MUC5B: variants seen among roughly 807,000 people sequenced by gnomAD.
The protein encoded by MUC5B is mucin-5B.
In MUC5B, 116 loss-of-function variants were observed where a neutral mutation model predicts 376.9. That is an observed-to-expected ratio of 0.31 (90% CI 0.26 to 0.36). The LOEUF is 0.36. Ranked by LOEUF, MUC5B falls within the 10% of genes least tolerant of loss-of-function variation. The pLI, the probability that MUC5B is intolerant of heterozygous loss-of-function variation, is 1.00. For synonymous variants in MUC5B, 3,517 were observed against 3,390.9 expected (o/e 1.04, Z -1.29); for missense variants, 7,165 against 7,769.9 (o/e 0.92, Z 2.93).
rs1862449655 is a variant in MUC5B, at chr11:1,246,014, C to T, written c.9134C>T (p.Pro3045Leu). Residue 3045 changes from proline (P) to leucine (L), a missense_variant, in exon 31 of 49, where the codon CCA (proline) becomes CTA (leucine). This residue lies in a region of MUC5B where 939 missense variants were observed against 770.6 expected (regional missense o/e 1.22). Coordinates refer to ENST00000529681, the MANE Select transcript of MUC5B (RefSeq NM_002458.3). ...TSSKATSSSSPRTATTLPVLT... is the reference protein window; with the variant it reads ...TSSKATSSSSLRTATTLPVLT... The stretch of plus-strand genomic sequence containing the variant: ...TCCAAAGCCACTTCCTCCTCCAGTC[C>T]AAGGACTGCAACCACCCTTCCAGTG... 1.4e-5 allele frequency: 22 copies of T among 1,612,988 alleles called. No homozygotes were observed. Among genetic ancestry groups the T allele is most frequent in the Non-Finnish European group, 1.8e-5 (21 of 1,179,638 alleles).
At chr11:1,240,783 C>A in intron 30 of MUC5B, 68 bp from the exon 31 acceptor site, 1 of 1,421,070 alleles carries the variant, frequency 7.0e-7, no homozygotes, top group Non-Finnish European at 9.5e-7. Context: ...TCCTCTGGGG[C>A]CCCTCCACCT....
In MUC5B at chr11:1,233,933, C is replaced by T. The variant is rs1348288597; in HGVS notation, c.2377+85C>T. On this transcript the variant is annotated intron_variant, in intron 19 of 48. Coordinates refer to ENST00000529681, the MANE Select transcript of MUC5B (RefSeq NM_002458.3). ...GGCCCCAACACGCCCCACCCTGCCC[C>T]ACCCCACCTGAACCCTGCCGGGCCA... The T allele has an allele frequency of 5.8e-6, 8 of 1,376,898 alleles. No individual in the cohort carries two copies. The Admixed American group carries it at 1.4e-4, about 24-fold the overall frequency. The allele number at this position is 1,376,898 out of a possible 1,614,324, so 85.3% of individuals were successfully genotyped here.
At chr11:1,238,535 C>T (rs1197591248) in intron 25 of MUC5B, among the ~76,000 whole-genome samples, 1 of 152,148 alleles carries the variant, frequency 6.6e-6, no homozygotes, top group Non-Finnish European at 1.5e-5. Context: ...GCCACATGAC[C>T]AGATCCACGT....
intron 1 of MUC5B, among the ~76,000 whole-genome samples, chr11:1,224,569 GGCT>G (rs1861837621): frequency 6.8e-6 from 1 of 147,804 alleles, no homozygotes; most frequent in Non-Finnish European, 1.5e-5. Flanking sequence ...GGCTGCCTGG[GGCT>G]GGGGAGGGGC....
chr11:1,243,019 C>G lies in MUC5B; in HGVS notation c.6139C>G (p.His2047Asp), dbSNP rs1267046072. 6.2e-7 allele frequency: 1 copy of G among 1,612,982 alleles called. No homozygotes were observed. The change falls in exon 31 of 49, where the codon CAC becomes GAC. Residue 2047 changes from histidine to aspartate, a missense_variant. Around this residue, in one of 31 missense-constraint regions of MUC5B, gnomAD observed 897 missense variants for 779.6 expected, o/e 1.15. Coordinates refer to ENST00000529681, the MANE Select transcript of MUC5B (RefSeq NM_002458.3). ...CCCCTCCTCCACCCCAGGAACAGCT[C>G]ACACTACCAAAGTGCCAACTACCAC... Reference protein sequence around the residue: ...ATPSSTPGTAHTTKVPTTTTT... With the variant: ...ATPSSTPGTADTTKVPTTTTT...
intron 3 of MUC5B, 104 bp downstream of exon 3, chr11:1,226,380 G>T: frequency 7.0e-7 from 1 of 1,424,582 alleles, no homozygotes; most frequent in Non-Finnish European, 9.6e-7. Context: ...GGGCCGTTGG[G>T]CCAGACCCAG....
Position 1,250,367 on chromosome 11 carries a change from C to G in MUC5B, c.13487C>G (p.Thr4496Ser). ...TTPTVTSSKATPSSSPGTATA... is the reference protein window; with the variant it reads ...TTPTVTSSKASPSSSPGTATA... ...CCCACAGTCACCAGCTCCAAAGCCA[C>G]TCCCTCCTCCAGTCCAGGGACTGCA... The change falls in exon 31 of 49, where the codon ACT becomes AGT. Residue 4496 changes from threonine (T) to serine (S), a missense_variant. This residue lies in a region of MUC5B where 431 missense variants were observed against 390.4 expected (regional missense o/e 1.10). Transcript: ENST00000529681. 1.9e-6 allele frequency: 3 copies of G among 1,613,590 alleles called. No individual in the cohort carries two copies. The highest frequency in any genetic ancestry group is 3.3e-4 in the Middle Eastern group (2 of 6,060).
rs747937453 is a variant in MUC5B at position 1,251,218 on chromosome 11, A to C, written c.14338A>C (p.Thr4780Pro). Reference sequence around the variant, plus strand: ...CATGTCCACCATGTCCACAATCCACACCTCCTCTACTCCAGAGACCACCCA... The same window carrying C: ...CATGTCCACCATGTCCACAATCCACCCCTCCTCTACTCCAGAGACCACCCA... The part of the protein sequence containing the change: ...TPMSTMSTIH[T>P]SSTPETTHTS... Residue 4780 changes from threonine to proline, a missense_variant, in exon 31 of 49, where the codon ACC becomes CCC. Coordinates refer to ENST00000529681, the MANE Select transcript of MUC5B (RefSeq NM_002458.3). 4.6e-4 allele frequency: 737 copies of C among 1,599,280 alleles called. 19 individuals are homozygous for C. The South Asian group carries it at 7.2e-3, about 16-fold the overall frequency.
At position 1,254,293 on chromosome 11, in the gene MUC5B, A is replaced by G; in HGVS notation, c.15419A>G (p.Tyr5140Cys). Residue 5140 changes from tyrosine to cysteine, a missense_variant, in exon 34 of 49, where the codon TAC (tyrosine) becomes TGC (cysteine). Coordinates refer to ENST00000529681, the MANE Select transcript of MUC5B (RefSeq NM_002458.3). ...TGCCCCCGCGCCCTCAGCATCCACTACAAGTCCATGGATATCGTCCTCACT... is the reference window on the plus strand; with the variant it reads ...TGCCCCCGCGCCCTCAGCATCCACTGCAAGTCCATGGATATCGTCCTCACT... The part of the protein sequence containing the change: ...ARCPRALSIH[Y>C]KSMDIVLTVT... 2 of 1,610,208 alleles carry G rather than the reference A, an allele frequency of 1.2e-6. No homozygotes were observed. The highest frequency in any genetic ancestry group is 1.7e-5 in the Admixed American group (1 of 60,016).
chr11:1,232,939 A>G (rs968214786), intron 17 of MUC5B, 74 bp from the exon 18 acceptor site: 19 of 1,479,252 alleles, frequency 1.3e-5, no homozygotes, highest in Non-Finnish European at 1.6e-5. Context: ...ACAGACGGGG[A>G]TGCTGAGTTG....
rs750577886 is a variant in MUC5B at position 1,254,046 on chromosome 11, G to A, written c.15218-46G>A. The A allele has an allele frequency of 3.8e-6, 6 of 1,585,156 alleles. No homozygotes were observed. In the Admixed American group the frequency reaches 8.6e-5, roughly 23 times the overall value. On this transcript the variant is annotated intron_variant, in intron 33 of 48. Coordinates refer to ENST00000529681, the MANE Select transcript of MUC5B (RefSeq NM_002458.3). The stretch of plus-strand genomic sequence containing the variant: ...GGCTGCCATGACGCCTGGGGAGCGA[G>A]GGCACCACCACGGAGCCTGCCAGCC...
At chr11:1,259,672 TG>T (rs1404798485) in intron 44 of MUC5B, 83 bp from the exon 45 acceptor site, 31 of 1,414,848 alleles carry the variant, frequency 2.2e-5, no homozygotes, top group Non-Finnish European at 2.9e-5. Context: ...CCTGGACCAC[TG>T]GGGTGTAGAC....
chr11:1,224,084 T>C (rs1286351421), intron 1 of MUC5B, among the ~76,000 whole-genome samples: 1 of 152,112 alleles, frequency 6.6e-6, no homozygotes, highest in Non-Finnish European at 1.5e-5. Context: ...GCTGCAAGGT[T>C]TGGGGGCTGG....
rs1590189907 is a variant in MUC5B, at chr11:1,252,483, T to C, written c.15004T>C (p.Ser5002Pro). Residue 5002 changes from serine to proline, a missense_variant, in exon 32 of 49, where the codon TCC becomes CCC. Physicochemically the swap from Ser to Pro is moderately conservative, Grantham distance 74. Around this residue, in one of 31 missense-constraint regions of MUC5B, gnomAD observed 730 missense variants for 592.7 expected, o/e 1.23. Coordinates refer to ENST00000529681, the MANE Select transcript of MUC5B (RefSeq NM_002458.3). ...PVSSAPLSSP[S>P]PAPGCDNAIP... The stretch of plus-strand genomic sequence containing the variant: ...GTCCTCCGCCCCGCTGTCCTCGCCC[T>C]CCCCTGCCCCTGGCTGTGACAATGC... 1 of 1,582,290 alleles carries C rather than the reference T, an allele frequency of 6.3e-7. No homozygotes were observed. Among genetic ancestry groups the C allele is most frequent in the Non-Finnish European group, 8.6e-7 (1 of 1,165,906 alleles).
In MUC5B at chr11:1,235,408, G is replaced by T. The variant is rs371115443; in HGVS notation, c.2875G>T (p.Val959Leu). 7.8e-5 allele frequency: 125 copies of T among 1,611,404 alleles called. No homozygotes were observed. The highest frequency in any genetic ancestry group is 1.3e-4 in the African/African-American group (10 of 74,802). Residue 959 changes from valine to leucine, a missense_variant, in exon 23 of 49, where the codon GTG (valine) becomes TTG (leucine). This residue lies in a region of MUC5B where 530 missense variants were observed against 604.0 expected (regional missense o/e 0.88). Transcript: ENST00000529681. ...TTCSKAIKLFVESYELILQEG... is the reference protein window; with the variant it reads ...TTCSKAIKLFLESYELILQEG... Reference sequence around the variant, plus strand: ...CTGCTCCAAGGCCATCAAGCTCTTCGTGGAGGTGAGAACGGCCCCAGCTGT... The same window carrying T: ...CTGCTCCAAGGCCATCAAGCTCTTCTTGGAGGTGAGAACGGCCCCAGCTGT...
chr11:1,226,426 A>C (rs992894411), intron 3 of MUC5B, 150 bp downstream of exon 3: 68 of 1,287,496 alleles, frequency 5.3e-5, no homozygotes, highest in Non-Finnish European at 6.5e-5. Flanking sequence ...GTCACTGGCC[A>C]CCCTGGGGGA....
chr11:1,231,938 G>T (rs781071382), intron 14 of MUC5B, 58 bp from the exon 15 acceptor site: 1 of 1,605,766 alleles, frequency 6.2e-7, no homozygotes, highest in Non-Finnish European at 8.5e-7. Context: ...GATGGCAGGG[G>T]CCAGGAGCCA....
chr11:1,254,417 C>T (rs1862780172), intron 34 of MUC5B, 66 bp downstream of exon 34: 2 of 1,569,930 alleles, frequency 1.3e-6, no homozygotes, highest in Admixed American at 1.7e-5. Flanking sequence ...AGGCCGACTG[C>T]AGGCCGGGGT....
chr11:1,236,353 G>C (rs56396424), intron 23 of MUC5B, 33 bp from the exon 24 acceptor site: 2 of 1,581,142 alleles, frequency 1.3e-6, no homozygotes, highest in Admixed American at 3.4e-5. Context: ...GGGCCACAGG[G>C]TCGGCTTCCG....
Sources: gnomAD v4.1 joint callset for allele counts (sites outside exome capture counted in the v4.1 genomes callset) on GRCh38, gnomAD v4.1.1 for gene constraint, gnomAD v4.1.1 regional missense constraint, MANE v1.5 for transcripts, NCBI Gene and HGNC (gene_info 2026-07-23, HGNC 2026-07-21) for gene names.